Variants in SAP130 observed in about 807,000 individuals in gnomAD.
SAP130 encodes histone deacetylase complex subunit SAP130.
A neutral mutation model predicts 103.2 loss-of-function variants in SAP130; 16 were observed. That is an observed-to-expected ratio of 0.16 (90% CI 0.10 to 0.24). SAP130 has a LOEUF of 0.24. Among genes scored for constraint, SAP130 ranks in the 10% least tolerant of loss-of-function variants. The probability of loss-of-function intolerance (pLI) is 1.00; values close to 1 mark genes in which losing one functional copy is unlikely to be tolerated. For synonymous variants in SAP130, 477 were observed against 497.0 expected, an observed-to-expected ratio of 0.96 and a Z score of 0.53; for missense variants, 990 against 1,359.7, an observed-to-expected ratio of 0.73 and a Z score of 4.28.
At chr2:127,957,564 C>T (rs1679931302) in intron 15 of SAP130, among the ~76,000 whole-genome samples, 1 of 151,828 alleles carries the variant, frequency 6.6e-6, no homozygotes, top group African/African-American at 2.4e-5. Context: ...GTCCTAGCGA[C>T]TCTGGAGGCT....
chr2:128,007,626 G>A (rs1573814071), intron 7 of SAP130, among the ~76,000 whole-genome samples: 1 of 152,322 alleles, frequency 6.6e-6, no homozygotes, highest in African/African-American at 2.4e-5. Context: ...CTGCCACAAA[G>A]TAAAGTATCC....
chr2:128,026,108 C>A, intron 2 of SAP130, 73 bp downstream of exon 2: 1 of 997,954 alleles, frequency 1.0e-6, no homozygotes, highest in Non-Finnish European at 1.5e-6. Flanking sequence ...GAAGAATCTG[C>A]TAATTTTTAA....
chr2:128,026,528 T>A (rs1478659752), intron 1 of SAP130, among the ~76,000 whole-genome samples: 1 of 152,242 alleles, frequency 6.6e-6, no homozygotes, highest in South Asian at 2.1e-4. Context: ...TGACCCTCCA[T>A]AAATACTTGT....
chr2:127,987,090 A>C, intron 13 of SAP130, 128 bp from the exon 14 acceptor site: 1 of 791,996 alleles, frequency 1.3e-6, no homozygotes, highest in Non-Finnish European at 2.0e-6. Context: ...TTTCAAACTG[A>C]TAAGGGACAG....
intron 2 of SAP130, among the ~76,000 whole-genome samples, chr2:128,024,412 G>C (rs749682983): frequency 6.6e-6 from 1 of 152,034 alleles, no homozygotes; most frequent in Non-Finnish European, 1.5e-5. Context: ...AGAAAACGCA[G>C]AGCAATTAAA....
At chr2:128,005,498 C>A (rs1463138694) in intron 7 of SAP130, among the ~76,000 whole-genome samples, 2 of 151,688 alleles carry the variant, frequency 1.3e-5, no homozygotes, top group Non-Finnish European at 1.5e-5. Flanking sequence ...GTCTGTAATC[C>A]CAGCTACTCG....
intron 15 of SAP130, among the ~76,000 whole-genome samples, chr2:127,960,406 A>G (rs1314278677): frequency 6.6e-6 from 1 of 152,184 alleles, no homozygotes; most frequent in Non-Finnish European, 1.5e-5. Context: ...TATGATCAAG[A>G]AAAACCAAAA....
chr2:128,021,008 G>T (rs1232734589), intron 2 of SAP130, among the ~76,000 whole-genome samples: 1 of 152,068 alleles, frequency 6.6e-6, no homozygotes, highest in African/African-American at 2.4e-5. Flanking sequence ...AGTGAAATGG[G>T]ATTCTATTGT....
chr2:127,981,621 T>C (rs60617207), intron 14 of SAP130, among the ~76,000 whole-genome samples: 5 of 1,816 alleles, frequency 2.8e-3, no homozygotes, highest in Non-Finnish European at 4.1e-3. Flanking sequence ...TCCCTCACCC[T>C]GACCCAGTCC....
At chr2:128,019,970 T>C (rs922316213) in intron 2 of SAP130, among the ~76,000 whole-genome samples, 5 of 152,176 alleles carry the variant, frequency 3.3e-5, no homozygotes, top group African/African-American at 4.8e-5. Context: ...TATTTGTCTA[T>C]AATTTTTCCA....
intron 15 of SAP130, among the ~76,000 whole-genome samples, chr2:127,962,111 A>G (rs1441348737): frequency 6.6e-6 from 1 of 152,234 alleles, no homozygotes; most frequent in Admixed American, 6.5e-5. Flanking sequence ...TTGCCTTTCC[A>G]TAAGGGTTAT....
At chr2:127,969,577 A>G (rs1252392713) in intron 15 of SAP130, among the ~76,000 whole-genome samples, 5 of 152,228 alleles carry the variant, frequency 3.3e-5, no homozygotes, top group Non-Finnish European at 7.3e-5. Context: ...TGGCTTAAAC[A>G]GAAGTAGCTT....
rs55755397 is a variant in SAP130 at position 127,964,494 on chromosome 2, CAAAAAAAAAA to C, written c.2064-9160_2064-9151del. Among the ~76,000 whole-genome samples, 29 of 69,904 alleles carry C rather than the reference CAAAAAAAAAA, an allele frequency of 4.1e-4. 1 individual carries two copies. The highest frequency in any genetic ancestry group is 8.1e-4 in the African/African-American group (14 of 17,196). 45.9% of individuals were successfully genotyped at this position (69,904 alleles called of 152,430 possible). A position where few individuals can be genotyped will look rare whatever the true frequency, so the allele number is the denominator to read the frequency against. On this transcript the variant is annotated intron_variant, in intron 15 of 20. Coordinates refer to ENST00000643581, the MANE Select transcript of SAP130 (RefSeq NM_001330301.2). ...GGGCGACAAGAGCGAAACTCCATCT[CAAAAAAAAAA>C]AAAAAAAAAAAAAAGTAAATTAAAA...
rs149097480 is a variant in SAP130, at chr2:127,989,696, T to C, written c.1648A>G (p.Ile550Val). 1.8e-5 allele frequency: 29 copies of C among 1,613,988 alleles called. No homozygotes were observed. The highest frequency in any genetic ancestry group is 2.4e-5 in the Non-Finnish European group (28 of 1,180,020). The stretch of plus-strand genomic sequence containing the variant: ...GCAGGCTGTATCCCTGGGGTCCCAA[T>C]GGGGGCCGGCTGGATACCCTGGGTA... ...ISTQGIQPAP[I>V]GTPGIQPAPL... Residue 550 changes from isoleucine to valine, a missense_variant, in exon 13 of 21, where the codon ATT becomes GTT. Physicochemically the swap from Ile to Val is conservative, Grantham distance 29. Transcript: ENST00000643581. This position sits in a 1 kb window ranked among gnomAD's most constrained non-coding sequence, Gnocchi z 4.6.
chr2:127,977,718 T>C (rs1323189821), intron 15 of SAP130, among the ~76,000 whole-genome samples: 4 of 152,160 alleles, frequency 2.6e-5, no homozygotes, highest in African/African-American at 4.8e-5. Context: ...GTTCAGGTCA[T>C]GCAGCTAGAA....
chr2:127,982,100 A>G (rs1681981183), intron 14 of SAP130, among the ~76,000 whole-genome samples: 1 of 152,184 alleles, frequency 6.6e-6, no homozygotes, highest in South Asian at 2.1e-4. Flanking sequence ...TTCCATGAAA[A>G]TGATGAAAAA....
chr2:127,956,305 T>C (rs1679834978), intron 15 of SAP130, among the ~76,000 whole-genome samples: 1 of 152,220 alleles, frequency 6.6e-6, no homozygotes, highest in Non-Finnish European at 1.5e-5. Context: ...GCATCCTCTG[T>C]AATAGCCTTT....
chr2:127,962,834 A>G (rs1680353388), intron 15 of SAP130, among the ~76,000 whole-genome samples: 1 of 151,828 alleles, frequency 6.6e-6, no homozygotes, highest in South Asian at 2.1e-4. Flanking sequence ...CATATGTAAC[A>G]AACCTGCACG....
intron 13 of SAP130, among the ~76,000 whole-genome samples, chr2:127,987,738 A>AAG (rs1387439944): frequency 2.0e-5 from 3 of 152,196 alleles, no homozygotes; most frequent in Non-Finnish European, 2.9e-5. Flanking sequence ...TGTACACTTC[A>AAG]AGAAATGTAC....
Sources: gnomAD v4.1 joint callset for allele counts (sites outside exome capture counted in the v4.1 genomes callset) on GRCh38, gnomAD v4.1.1 for gene constraint, Gnocchi (gnomAD v3.1) non-coding constraint, MANE v1.5 for transcripts, NCBI Gene and HGNC (gene_info 2026-07-23, HGNC 2026-07-21) for gene names.